TRPM6: variants seen among roughly 807,000 people sequenced by gnomAD.
The protein encoded by TRPM6 is transient receptor potential cation channel subfamily M member 6.
In TRPM6, 111 loss-of-function variants were observed where a neutral mutation model predicts 247.6. That is an observed-to-expected ratio of 0.45 (90% CI 0.38 to 0.52). The LOEUF (loss-of-function observed/expected upper bound fraction) is 0.52. TRPM6 is among the 20% of genes least tolerant of loss of function. The pLI, the probability that TRPM6 is intolerant of heterozygous loss-of-function variation, is 0.00. For synonymous variants in TRPM6, 892 were observed against 853.8 expected (o/e 1.04, Z -0.78); for missense variants, 2,126 against 2,421.5 (o/e 0.88, Z 2.56).
chr9:74,882,277 G>A (rs1278245203), intron 1 of TRPM6, among the ~76,000 whole-genome samples: 1 of 152,082 alleles, frequency 6.6e-6, no homozygotes, highest in Non-Finnish European at 1.5e-5. Flanking sequence ...AAACTAAAAA[G>A]TTTCTGCACA....
intron 7 of TRPM6, among the ~76,000 whole-genome samples, chr9:74,827,438 G>T (rs78254827): frequency 3.3e-5 from 5 of 152,100 alleles, no homozygotes; most frequent in Non-Finnish European, 5.9e-5. Flanking sequence ...CTCTGTGCAG[G>T]TGATAAGTGA....
At chr9:74,837,222 A>C (rs75563669) in intron 5 of TRPM6, among the ~76,000 whole-genome samples, 2,134 of 152,352 alleles carry the variant, frequency 0.014, 54 homozygotes, top group African/African-American at 0.049. Flanking sequence ...AATAGACAGG[A>C]GCTCATAAGC....
rs1196061167 is a variant in TRPM6, at chr9:74,801,879, GT to G, written c.2009+18del. ...AAGAAGTGTTGATGTTTAGTATGAA[GT>G]GAAGAGAGAACACTTACTTTGAGTA... On this transcript the variant is annotated intron_variant, in intron 16 of 38. Transcript: ENST00000360774. The G allele has an allele frequency of 1.2e-6, 2 of 1,613,356 alleles. No homozygotes were observed.
chr9:74,738,665 T>C (rs1825768887), intron 35 of TRPM6, 53 bp from the exon 36 acceptor site: 2 of 1,498,472 alleles, frequency 1.3e-6, no homozygotes, highest in Non-Finnish European at 9.3e-7. Flanking sequence ...AAAGTGGGAC[T>C]TACCTTACTG....
At chr9:74,771,882 G>C (rs774359520) in intron 24 of TRPM6, 47 bp from the exon 25 acceptor site, 1 of 1,577,904 alleles carries the variant, frequency 6.3e-7, no homozygotes, top group Admixed American at 1.7e-5. Flanking sequence ...ATTCACCTCA[G>C]GGCATGAGTG....
At chr9:74,768,744 G>A (rs1311876759) in intron 25 of TRPM6, among the ~76,000 whole-genome samples, 9 of 152,178 alleles carry the variant, frequency 5.9e-5, no homozygotes, top group Non-Finnish European at 1.0e-4. Flanking sequence ...TCAGTGCACT[G>A]CACTATTCTC....
At chr9:74,811,014 C>A in intron 12 of TRPM6, 146 bp from the exon 13 acceptor site, 2 of 660,254 alleles carry the variant, frequency 3.0e-6, no homozygotes, top group Non-Finnish European at 2.6e-6. Flanking sequence ...CCAATTAATT[C>A]TAAAGAAGGT....
intron 23 of TRPM6, among the ~76,000 whole-genome samples, chr9:74,778,566 C>T (rs1297246751): frequency 6.6e-6 from 1 of 152,158 alleles, no homozygotes; most frequent in Non-Finnish European, 1.5e-5. Context: ...AGGGTCAGTC[C>T]CCTGGAAGGG....
At chr9:74,812,566 G>GAA (rs34491796) in intron 11 of TRPM6, 133 bp from the exon 12 acceptor site, 920 of 631,422 alleles carry the variant, frequency 1.5e-3, no homozygotes, top group Middle Eastern at 2.8e-3. Flanking sequence ...AGTGGGTACA[G>GAA]AAAAAAAAAA....
At chr9:74,853,679 C>G (rs1012876031) in intron 3 of TRPM6, among the ~76,000 whole-genome samples, 2 of 151,816 alleles carry the variant, frequency 1.3e-5, no homozygotes, top group Non-Finnish European at 2.9e-5. Context: ...TAAGAGTCAT[C>G]GCCACTCCCT....
chr9:74,812,093 A>G (rs978313310), intron 12 of TRPM6, among the ~76,000 whole-genome samples: 2 of 152,222 alleles, frequency 1.3e-5, no homozygotes, highest in African/African-American at 4.8e-5. Flanking sequence ...TTTAACATGT[A>G]TGCATTTTGA....
chr9:74,883,599 C>G (rs970455447), intron 1 of TRPM6, among the ~76,000 whole-genome samples: 3 of 152,158 alleles, frequency 2.0e-5, no homozygotes, highest in Non-Finnish European at 2.9e-5. Context: ...TTCATCTGAA[C>G]ATACTATTCA....
chr9:74,736,323 C>G (rs1426414315), intron 36 of TRPM6, among the ~76,000 whole-genome samples: 1 of 152,208 alleles, frequency 6.6e-6, no homozygotes, highest in Non-Finnish European at 1.5e-5. Context: ...CTCCTCCTAA[C>G]TGCTGCTGGT....
At chr9:74,842,425 T>C in intron 3 of TRPM6, 82 bp from the exon 4 acceptor site, 1 of 1,349,374 alleles carries the variant, frequency 7.4e-7, no homozygotes, top group Non-Finnish European at 1.1e-6. Context: ...AAGTAATGTA[T>C]AGATGCCATA....
At chr9:74,768,359 G>T (rs1826899851) in intron 25 of TRPM6, among the ~76,000 whole-genome samples, 1 of 152,116 alleles carries the variant, frequency 6.6e-6, no homozygotes, top group Admixed American at 6.5e-5. Flanking sequence ...CCTACAATAG[G>T]CAGATGACTC....
At chr9:74,781,801 T>C (rs1564010977) in intron 23 of TRPM6, among the ~76,000 whole-genome samples, 2 of 152,294 alleles carry the variant, frequency 1.3e-5, no homozygotes, top group East Asian at 3.9e-4. Flanking sequence ...TTTGATGTTG[T>C]TACATTGTAC....
chr9:74,734,429 T>C (rs1358583015), intron 36 of TRPM6, among the ~76,000 whole-genome samples: 1 of 152,220 alleles, frequency 6.6e-6, no homozygotes, highest in Non-Finnish European at 1.5e-5. Context: ...GTAATCCTTA[T>C]AGACTTTCAC....
intron 21 of TRPM6, among the ~76,000 whole-genome samples, chr9:74,784,219 C>T (rs542319307): frequency 1.3e-4 from 19 of 149,076 alleles, no homozygotes; most frequent in African/African-American, 3.5e-4. Flanking sequence ...GCAGAGATTG[C>T]GCCACTGCAC....
At chr9:74,801,376 A>G (rs1017573191) in intron 16 of TRPM6, among the ~76,000 whole-genome samples, 4 of 150,748 alleles carry the variant, frequency 2.7e-5, no homozygotes, top group Non-Finnish European at 4.4e-5. Flanking sequence ...CATCAAAATT[A>G]TAAATTAGTT....
Sources: allele counts gnomAD v4.1 joint callset (sites outside exome capture counted in the v4.1 genomes callset), GRCh38; gene constraint gnomAD v4.1.1; transcripts MANE v1.5; gene names NCBI Gene and HGNC (gene_info 2026-07-23, HGNC 2026-07-21).